The following DTWD2 variants were observed in gnomAD, a reference collection of about 807,000 sequenced individuals.
DTWD2 encodes DTW motif tRNA-uridine aminocarboxypropyltransferase 2.
DTWD2 carries 39 observed loss-of-function variants against 31.8 expected under a neutral mutation model. The ratio of observed to expected loss-of-function variants is 1.22; its 90% confidence interval spans 0.95 to 1.60. The LOEUF is 1.60. DTWD2 is among the 40% of genes most tolerant of loss of function. DTWD2 has a pLI of 0.00. For synonymous variants in DTWD2, 180 were observed against 142.8 expected (o/e 1.26, Z -1.86); for missense variants, 515 against 381.5 (o/e 1.35, Z -2.92).
chr5:118,891,289 C>T (rs1240990538), intron 4 of DTWD2, among the ~76,000 whole-genome samples: 1 of 151,984 alleles, frequency 6.6e-6, no homozygotes, highest in East Asian at 1.9e-4. Context: ...ATGCAATCCA[C>T]ATCACTCATA....
At chr5:118,938,200 T>C (rs540664251) in intron 3 of DTWD2, among the ~76,000 whole-genome samples, 12 of 152,230 alleles carry the variant, frequency 7.9e-5, no homozygotes, top group African/African-American at 2.6e-4. Context: ...GTATCAGTTA[T>C]TGCAATGCGG....
chr5:118,907,967 A>G (rs962967446), intron 4 of DTWD2, among the ~76,000 whole-genome samples: 1 of 152,210 alleles, frequency 6.6e-6, no homozygotes, highest in Non-Finnish European at 1.5e-5. Context: ...ATAATTTTTA[A>G]ACAAATATTT....
intron 4 of DTWD2, among the ~76,000 whole-genome samples, chr5:118,861,413 G>C (rs1483269333): frequency 6.6e-6 from 1 of 152,166 alleles, no homozygotes; most frequent in Non-Finnish European, 1.5e-5. Flanking sequence ...AATTTTCCCT[G>C]AGGCAAATGT....
At chr5:118,965,638 C>A (rs1160137528) in intron 1 of DTWD2, among the ~76,000 whole-genome samples, 1 of 152,102 alleles carries the variant, frequency 6.6e-6, no homozygotes, top group African/African-American at 2.4e-5. Context: ...TGACCTTACC[C>A]CCAACCCGGT....
intron 4 of DTWD2, among the ~76,000 whole-genome samples, chr5:118,918,827 G>C (rs1018828680): frequency 1.6e-4 from 22 of 140,894 alleles, no homozygotes; most frequent in Non-Finnish European, 2.6e-4. Context: ...GTCTCTACCA[G>C]GAAAAAAAAA....
intron 1 of DTWD2, among the ~76,000 whole-genome samples, chr5:118,957,978 G>C (rs1754625012): frequency 6.6e-6 from 1 of 152,142 alleles, no homozygotes. Flanking sequence ...TACAATAAGT[G>C]TGTGTAATTA....
At chr5:118,850,761 T>C (rs1050724950) in intron 4 of DTWD2, among the ~76,000 whole-genome samples, 2 of 152,072 alleles carry the variant, frequency 1.3e-5, no homozygotes, top group African/African-American at 4.8e-5. Flanking sequence ...ATTTGCAAAC[T>C]ATGCATCCAA....
chr5:118,869,617 A>T (rs1457665153), intron 4 of DTWD2, among the ~76,000 whole-genome samples: 2 of 152,192 alleles, frequency 1.3e-5, no homozygotes, highest in Non-Finnish European at 2.9e-5. Flanking sequence ...TAAATCAGGA[A>T]ATCCAAAGTC....
rs750528656 is a variant in DTWD2, at chr5:118,944,647, C to T, written c.221G>A (p.Arg74Gln). ...TGGACACAAACACACTTTCTGAGGCCGGCTAAAGGGTAAAAAGAAAAATAA... is the reference window on the plus strand; with the variant it reads ...TGGACACAAACACACTTTCTGAGGCTGGCTAAAGGGTAAAAAGAAAAATAA... ...ERRPECTRCS[R>Q]PQKVCLCPFL... Residue 74 changes from arginine (R) to glutamine (Q), a missense_variant and splice_region_variant, in exon 2 of 6, where the codon CGG becomes CAG. Transcript: ENST00000510708. 31 of 1,610,334 alleles carry T rather than the reference C, an allele frequency of 1.9e-5. 1 individual carries two copies. The East Asian group carries it at 2.7e-4, about 14-fold the overall frequency.
intron 1 of DTWD2, among the ~76,000 whole-genome samples, chr5:118,967,019 G>A: frequency 7.0e-6 from 1 of 142,346 alleles, no homozygotes; most frequent in Non-Finnish European, 1.5e-5. Flanking sequence ...AACAGAGGGG[G>A]ACTCCATCTC....
chr5:118,899,516 G>A (rs930719492), intron 4 of DTWD2, among the ~76,000 whole-genome samples: 5 of 152,102 alleles, frequency 3.3e-5, no homozygotes, highest in Admixed American at 3.3e-4. Context: ...AGCACTGACT[G>A]CATACATAAG....
At chr5:118,968,410 A>T (rs1754903430) in intron 1 of DTWD2, among the ~76,000 whole-genome samples, 1 of 152,180 alleles carries the variant, frequency 6.6e-6, no homozygotes, top group South Asian at 2.1e-4. Flanking sequence ...TGAAAACGGC[A>T]AATGAAATTC....
intron 1 of DTWD2, chr5:118,988,036 A>C: frequency 1.4e-6 from 1 of 699,798 alleles, no homozygotes; most frequent in Admixed American, 2.0e-5. Context: ...AGTTTCTTGG[A>C]AACAGAACTG....
At chr5:118,969,581 G>T (rs1260167398) in intron 1 of DTWD2, among the ~76,000 whole-genome samples, 1 of 152,182 alleles carries the variant, frequency 6.6e-6, no homozygotes, top group East Asian at 1.9e-4. Context: ...AACCACAGCA[G>T]CCCTATGGAA....
intron 1 of DTWD2, among the ~76,000 whole-genome samples, chr5:118,975,676 G>A (rs1755137734): frequency 6.6e-6 from 1 of 151,988 alleles, no homozygotes; most frequent in Non-Finnish European, 1.5e-5. Context: ...ATCTACCTTT[G>A]GTCTTTGACG....
At chr5:118,857,882 A>T (rs1259059180) in intron 4 of DTWD2, among the ~76,000 whole-genome samples, 1 of 152,180 alleles carries the variant, frequency 6.6e-6, no homozygotes, top group African/African-American at 2.4e-5. Context: ...TGGTTGTGCA[A>T]CTGGACTTAC....
chr5:118,927,316 TATAAAATC>T (rs1753830288), intron 4 of DTWD2, among the ~76,000 whole-genome samples: 1 of 152,000 alleles, frequency 6.6e-6, no homozygotes, highest in Non-Finnish European at 1.5e-5. Context: ...GTAAAAATCT[TATAAAATC>T]AGAAGAATAA....
At chr5:118,956,046 G>C (rs773254034) in intron 1 of DTWD2, among the ~76,000 whole-genome samples, 98 of 152,220 alleles carry the variant, frequency 6.4e-4, no homozygotes, top group Admixed American at 2.0e-3. Flanking sequence ...TTATTGTCTT[G>C]CTATGTGACC....
At chr5:118,842,947 CTT>C (rs1490869774) in intron 5 of DTWD2, among the ~76,000 whole-genome samples, 3 of 141,004 alleles carry the variant, frequency 2.1e-5, no homozygotes, top group Non-Finnish European at 4.6e-5. Context: ...AAACTTTCTT[CTT>C]CCTCTTTTTT....
Sources: allele counts gnomAD v4.1 joint callset (sites outside exome capture counted in the v4.1 genomes callset), GRCh38; gene constraint gnomAD v4.1.1; transcripts MANE v1.5; gene names NCBI Gene and HGNC (gene_info 2026-07-23, HGNC 2026-07-21).